PRKCZ: variants seen among roughly 807,000 people sequenced by gnomAD.
PRKCZ encodes the protein protein kinase C zeta type.
PRKCZ carries 33 observed loss-of-function variants against 79.5 expected under a neutral mutation model. That is an observed-to-expected ratio of 0.41 (90% CI 0.31 to 0.55). PRKCZ has a LOEUF of 0.55. Among genes scored for constraint, PRKCZ ranks in the 20% least tolerant of loss-of-function variants. The pLI, the probability that PRKCZ is intolerant of heterozygous loss-of-function variation, is 0.19. For missense variants in PRKCZ, 578 were observed against 813.5 expected, an observed-to-expected ratio of 0.71 and a Z score of 3.52; for synonymous variants, 342 against 320.9, an observed-to-expected ratio of 1.07 and a Z score of -0.70.
rs998504689 is a variant in PRKCZ at position 2,082,222 on chromosome 1, G to A, written c.334+22631G>A. 13 of 368,070 alleles carry A rather than the reference G, an allele frequency of 3.5e-5. No homozygotes were observed. The highest frequency in any genetic ancestry group is 1.3e-4 in the African/African-American group (6 of 47,032). The allele number at this position is 368,070 out of a possible 1,614,324, so 22.8% of individuals were successfully genotyped here. ...CCGCTCTGTCCCGCCTGTTGTGTGC[G>A]CCTTTTCCCTGCTCCAGGGCTGTGT... On this transcript the variant is annotated intron_variant, in intron 4 of 17. Coordinates refer to ENST00000378567, the MANE Select transcript of PRKCZ (RefSeq NM_002744.6). This position sits in a 1 kb window ranked among gnomAD's most constrained non-coding sequence, Gnocchi z 4.4.
chr1:2,115,274 T>C (rs927195129), intron 4 of PRKCZ, among the ~76,000 whole-genome samples: 3 of 152,260 alleles, frequency 2.0e-5, no homozygotes, highest in African/African-American at 7.2e-5. Flanking sequence ...GTCTTATGTA[T>C]CCACCCTCAT....
chr1:2,150,845 G>A lies in PRKCZ; in HGVS notation c.743G>A (p.Gly248Glu), dbSNP rs1242064289. 6.2e-7 allele frequency: 1 copy of A among 1,614,168 alleles called. No homozygotes were observed. The highest frequency in any genetic ancestry group is 1.3e-5 in the African/African-American group (1 of 75,042). ...GGAATCAAAATCTCTCAGGGGCTTG[G>A]GCTGCAGGACTTTGACCTAATCAGA... Reference protein sequence around the residue: ...MDGIKISQGLGLQDFDLIRVI... With the variant: ...MDGIKISQGLELQDFDLIRVI... Residue 248 changes from glycine to glutamate, a missense_variant, in exon 9 of 18, where the codon GGG (glycine) becomes GAG (glutamate). Coordinates refer to ENST00000378567, the MANE Select transcript of PRKCZ (RefSeq NM_002744.6).
At chr1:2,088,042 C>A (rs1015249049) in intron 4 of PRKCZ, among the ~76,000 whole-genome samples, 1 of 152,336 alleles carries the variant, frequency 6.6e-6, no homozygotes, top group East Asian at 1.9e-4. Flanking sequence ...CAGAGCCCAT[C>A]CTGAATAGCG....
At chr1:2,152,255 G>A (rs1392664996) in intron 9 of PRKCZ, among the ~76,000 whole-genome samples, 4 of 152,084 alleles carry the variant, frequency 2.6e-5, no homozygotes, top group African/African-American at 7.2e-5. Flanking sequence ...AGTTAGGGCC[G>A]GGCGCGGTGG....
At chr1:2,048,542 T>A (rs547629004), upstream of PRKCZ, among the ~76,000 whole-genome samples, 25 of 151,388 alleles carry the variant, frequency 1.7e-4, no homozygotes, top group African/African-American at 5.9e-4. Context: ...CAAAGAGGCC[T>A]CGAGGCCGGG....
At position 2,144,320 on chromosome 1, in the gene PRKCZ, G is replaced by A. The variant is rs780414547; in HGVS notation, c.531G>A (p.Pro177=). The A allele has an allele frequency of 2.7e-5, 42 of 1,575,504 alleles. No individual in the cohort carries two copies. Among genetic ancestry groups the A allele is most frequent in the South Asian group, 2.3e-4 (20 of 85,818 alleles). Residue 177 remains proline (P), a synonymous_variant, in exon 6 of 18, where the codon CCG becomes CCA. Coordinates refer to ENST00000378567, the MANE Select transcript of PRKCZ (RefSeq NM_002744.6). ...ATAAGCGCTGCCACGGCCTCGTCCCGCTGACCTGCAGGAAGCATATGGTGA... is the reference window on the plus strand; with the variant it reads ...ATAAGCGCTGCCACGGCCTCGTCCCACTGACCTGCAGGAAGCATATGGTGA... ...LVHKRCHGLV[P]LTCRKHMDSV...
At chr1:2,169,335 C>T (rs778596741) in intron 10 of PRKCZ, 183 bp from the exon 11 acceptor site, 1 of 655,684 alleles carries the variant, frequency 1.5e-6, no homozygotes, top group South Asian at 1.5e-5. Context: ...TCACGAGCGG[C>T]CCCGCAGCCC....
chr1:2,160,832 C>A (rs1682110817), intron 10 of PRKCZ, among the ~76,000 whole-genome samples: 1 of 152,058 alleles, frequency 6.6e-6, no homozygotes, highest in Admixed American at 6.5e-5. Context: ...GTGCTGTGGC[C>A]TGGGATGGAG....
chr1:2,077,199 A>G (rs1662593011), intron 4 of PRKCZ, among the ~76,000 whole-genome samples: 1 of 152,120 alleles, frequency 6.6e-6, no homozygotes, highest in African/African-American at 2.4e-5. Context: ...CACACAGGAG[A>G]GTTTACACGC....
At chr1:2,121,547 A>ACGGTG (rs1557611860) in intron 4 of PRKCZ, among the ~76,000 whole-genome samples, 5 of 12,208 alleles carry the variant, frequency 4.1e-4, no homozygotes, top group African/African-American at 2.2e-3. Flanking sequence ...GGGTTATATC[A>ACGGTG]GTAGTTAGGG....
In PRKCZ at chr1:2,092,365, G is replaced by A. The variant is rs548061674; in HGVS notation, c.334+32774G>A. 1.5e-4 allele frequency among the ~76,000 whole-genome samples: 23 copies of A among 152,276 alleles called. No individual in the cohort carries two copies. In the South Asian group the frequency reaches 4.1e-3, roughly 27 times the overall value. ...CAGCAGGACGGAGTCCGACGTTCCC[G>A]CCTCAGGGTGCCCAGAGAGGGCGGG... On this transcript the variant is annotated intron_variant, in intron 4 of 17. Coordinates refer to ENST00000378567, the MANE Select transcript of PRKCZ (RefSeq NM_002744.6).
chr1:2,108,803 G>A (rs1407823649), intron 4 of PRKCZ, among the ~76,000 whole-genome samples: 2 of 152,202 alleles, frequency 1.3e-5, no homozygotes, highest in Non-Finnish European at 2.9e-5. Flanking sequence ...CCGCCACTGG[G>A]GGGCTTAAAG....
rs980864422 is a variant in PRKCZ, at chr1:2,146,062, C to T, written c.588C>T (p.Asp196=). ...TGCCTTCCCAAGAGCCTCCAGTAGACGACAAGAACGAGGACGCCGACCTTC... is the reference window on the plus strand; with the variant it reads ...TGCCTTCCCAAGAGCCTCCAGTAGATGACAAGAACGAGGACGCCGACCTTC... ...SVMPSQEPPV[D]DKNEDADLPS... The change falls in exon 7 of 18, where the codon GAC becomes GAT. Residue 196 remains aspartate (D), a synonymous_variant. Transcript: ENST00000378567. 34 of 1,613,978 alleles carry T rather than the reference C, an allele frequency of 2.1e-5. No homozygotes were observed. The highest frequency in any genetic ancestry group is 2.5e-5 in the Non-Finnish European group (29 of 1,179,980).
intron 4 of PRKCZ, among the ~76,000 whole-genome samples, chr1:2,123,653 A>C: frequency 1.4e-5 from 1 of 70,918 alleles, no homozygotes; most frequent in Non-Finnish European, 2.6e-5. Context: ...GGTGGTAGTT[A>C]GGGTCACGGT....
intron 4 of PRKCZ, among the ~76,000 whole-genome samples, chr1:2,124,573 G>A (rs189695873): frequency 1.3e-5 from 2 of 152,272 alleles, no homozygotes; most frequent in Non-Finnish European, 2.9e-5. Context: ...CCGCCCTGCA[G>A]GTTCCGTCAT....
At chr1:2,135,212 G>C (rs1675934329) in intron 4 of PRKCZ, 50 bp from the exon 5 acceptor site, 1 of 1,514,778 alleles carries the variant, frequency 6.6e-7, no homozygotes, top group Non-Finnish European at 9.1e-7. Context: ...CCCTGCGTGG[G>C]CTCGTGGCTG....
chr1:2,118,752 T>TGA (rs1553153112), intron 4 of PRKCZ, among the ~76,000 whole-genome samples: 16 of 142,350 alleles, frequency 1.1e-4, no homozygotes, highest in Non-Finnish European at 1.9e-4. Flanking sequence ...TGTGTGTGTG[T>TGA]GTGAGATGAG....
chr1:2,119,126 A>C (rs1245999158), intron 4 of PRKCZ, among the ~76,000 whole-genome samples: 1 of 152,088 alleles, frequency 6.6e-6, no homozygotes, highest in Non-Finnish European at 1.5e-5. Flanking sequence ...CTACCTTAGA[A>C]ATTATGAGTC....
At chr1:2,089,917 G>A (rs546918093) in intron 4 of PRKCZ, among the ~76,000 whole-genome samples, 11 of 152,058 alleles carry the variant, frequency 7.2e-5, no homozygotes, top group Admixed American at 6.5e-5. Flanking sequence ...CAAACAAAAA[G>A]CTTTATTCTC....
Sources: allele counts gnomAD v4.1 joint callset (sites outside exome capture counted in the v4.1 genomes callset), GRCh38; gene constraint gnomAD v4.1.1; non-coding constraint Gnocchi (gnomAD v3.1); transcripts MANE v1.5; gene names NCBI Gene and HGNC (gene_info 2026-07-23, HGNC 2026-07-21).